TBC1D17: variants seen among roughly 807,000 people sequenced by gnomAD.
TBC1D17 encodes the protein TBC1 domain family, member 17.
In TBC1D17, 69 loss-of-function variants were observed where a neutral mutation model predicts 78.8. The ratio of observed to expected loss-of-function variants is 0.88; its 90% confidence interval spans 0.72 to 1.07. TBC1D17 has a LOEUF of 1.07. TBC1D17 is among the 50% of genes least tolerant of loss of function. The pLI, the probability that TBC1D17 is intolerant of heterozygous loss-of-function variation, is 0.00. For synonymous variants in TBC1D17, 456 were observed against 358.3 expected (o/e 1.27, Z -3.08); for missense variants, 957 against 861.0 (o/e 1.11, Z -1.39).
At chr19:49,882,017 T>C in intron 5 of TBC1D17, 24 bp from the exon 6 acceptor site, 4 of 1,593,380 alleles carry the variant, frequency 2.5e-6, no homozygotes, top group Non-Finnish European at 3.4e-6. Context: ...GTGCATCACC[T>C]GTGCGTCACC....
Position 49,878,135 on chromosome 19 carries a change from C to A in TBC1D17, c.22-8C>A. The A allele has an allele frequency of 6.4e-7, 1 of 1,570,996 alleles. No homozygotes were observed. Among genetic ancestry groups the A allele is most frequent in the Non-Finnish European group, 8.6e-7 (1 of 1,158,632 alleles). Reference sequence around the variant, plus strand: ...GGCCCCAGCCCTCGCTGGTTCCCCCCAACTCAGGTGGTGTTTGAGAAGGGC... The same window carrying A: ...GGCCCCAGCCCTCGCTGGTTCCCCCAAACTCAGGTGGTGTTTGAGAAGGGC... On this transcript the variant is annotated splice_region_variant and splice_polypyrimidine_tract_variant and intron_variant, in intron 1 of 16. Transcript: ENST00000221543.
In TBC1D17 at chr19:49,878,241, G is replaced by T. The variant is rs1264769797; in HGVS notation, c.120G>T (p.Lys40Asn). ...CTGGTGTCATCCGTGTCGTGGAAAA[G>T]GTGCGCTGGGAGGGAGCAGGGCTCG... ...LIAGVIRVVEKDNDVLLHWAP... is the reference protein window; with the variant it reads ...LIAGVIRVVENDNDVLLHWAP... The change falls in exon 2 of 17, where the codon AAG becomes AAT. Residue 40 changes from lysine (K) to asparagine (N), a missense_variant and splice_region_variant. Coordinates refer to ENST00000221543, the MANE Select transcript of TBC1D17 (RefSeq NM_024682.3). 4 of 1,556,762 alleles carry T rather than the reference G, an allele frequency of 2.6e-6. No homozygotes were observed. Among genetic ancestry groups the T allele is most frequent in the Admixed American group, 1.9e-5 (1 of 51,514 alleles).
In TBC1D17 at chr19:49,882,200, G is replaced by A. The variant is rs373998031; in HGVS notation, c.640-42G>A. ...CTGGCGGGTGTGGGCAGGGAGGGAC[G>A]AGAAGGGGCGGGCCGTGACCTCCCT... On this transcript the variant is annotated intron_variant, in intron 6 of 16. Coordinates refer to ENST00000221543, the MANE Select transcript of TBC1D17 (RefSeq NM_024682.3). 1.4e-5 allele frequency: 23 copies of A among 1,613,000 alleles called. No individual in the cohort carries two copies. In the Admixed American group the frequency reaches 1.5e-4, roughly 11 times the overall value.
intron 9 of TBC1D17, among the ~76,000 whole-genome samples, 163 bp from the exon 10 acceptor site, chr19:49,883,488 G>C (rs2075033633): frequency 6.6e-6 from 1 of 152,158 alleles, no homozygotes; most frequent in Non-Finnish European, 1.5e-5. Flanking sequence ...CCAGGAAGGT[G>C]AAGTGTAAGG....
Position 49,880,333 on chromosome 19 carries a change from G to A in TBC1D17, c.250G>A (p.Gly84Ser), listed in dbSNP as rs763076005. Residue 84 changes from glycine (G) to serine (S), a missense_variant, in exon 4 of 17, where the codon GGC (glycine) becomes AGC (serine). Gly to Ser is a moderately conservative substitution (Grantham distance 56). Transcript: ENST00000221543. ...TGAGGAGGAACCAACCTTTGACCCC[G>A]GCTATGAACCTGACTGGGCTGTCAT... ...ASEEEPTFDP[G>S]YEPDWAVIST... 11 of 1,613,940 alleles carry A rather than the reference G, an allele frequency of 6.8e-6. No homozygotes were observed. Among genetic ancestry groups the A allele is most frequent in the Admixed American group, 3.3e-5 (2 of 59,988 alleles).
intron 3 of TBC1D17, 47 bp downstream of exon 3, chr19:49,878,619 T>C: frequency 6.3e-7 from 1 of 1,578,332 alleles, no homozygotes. Flanking sequence ...TTTTTCTAGG[T>C]CCGTGCTGTT....
At chr19:49,885,698 A>G (rs995686141) in intron 13 of TBC1D17, among the ~76,000 whole-genome samples, 1 of 150,962 alleles carries the variant, frequency 6.6e-6, no homozygotes, top group East Asian at 2.0e-4. Flanking sequence ...GCGCAATGTC[A>G]TCCTGGGATC....
intron 3 of TBC1D17, chr19:49,878,916 C>T: frequency 3.4e-6 from 1 of 290,374 alleles, no homozygotes; most frequent in South Asian, 4.4e-5. Context: ...CAGGGCCTGA[C>T]AGCCTACTCA....
Position 49,882,818 on chromosome 19 carries a change from G to A in TBC1D17, c.853G>A (p.Glu285Lys). 1 of 1,610,080 alleles carries A rather than the reference G, an allele frequency of 6.2e-7. No individual in the cohort carries two copies. Among genetic ancestry groups the A allele is most frequent in the Non-Finnish European group, 8.5e-7 (1 of 1,178,540 alleles). The stretch of plus-strand genomic sequence containing the variant: ...GCGGGGCCCTCCAGTTACAGAGGAG[G>A]AGTGGGCACGCCACGTGGGCCCTGA... ...VERGPPVTEE[E>K]WARHVGPEGR... is the part of the protein sequence containing the mutation. The change falls in exon 8 of 17, where the codon GAG becomes AAG. Residue 285 changes from glutamate (E) to lysine (K), a missense_variant. By Grantham distance (56) the Glu-to-Lys change is moderately conservative. Transcript: ENST00000221543.
rs1413199595 is a variant in TBC1D17, at chr19:49,883,739, C to T, written c.1120C>T (p.Leu374Phe). Residue 374 changes from leucine to phenylalanine, a missense_variant, in exon 10 of 17, where the codon CTC (leucine) becomes TTC (phenylalanine). Physicochemically the swap from Leu to Phe is conservative, Grantham distance 22. Transcript: ENST00000221543. ...RNSLLHGYRS[L>F]IERDVSRTDR... ...CTCACTTCTGCATGGATACCGCAGC[C>T]TCATCGGTCAGTGTCAGGGGTGGCA... 6.2e-7 allele frequency: 1 copy of T among 1,613,384 alleles called. No homozygotes were observed. Among genetic ancestry groups the T allele is most frequent in the East Asian group, 2.2e-5 (1 of 44,896 alleles).
intron 3 of TBC1D17, chr19:49,878,922 A>C: frequency 7.5e-6 from 2 of 267,138 alleles, no homozygotes; most frequent in Non-Finnish European, 7.3e-6. Context: ...CTGACAGCCT[A>C]CTCACCCACT....
rs755838740 is a variant in TBC1D17, at chr19:49,887,528, GT to G, written c.1499del (p.Phe500SerfsTer59). On this transcript the variant is annotated frameshift_variant, in exon 14 of 17. Transcript: ENST00000221543. LOFTEE classifies it high-confidence loss of function. ...TCTGTTTCCGGTGGCTGCTCATCTG[GT>G]TCAAGAGGGAATTCCCCTTCCCGGA... Reference protein sequence around the residue: ...CFCFRWLLIWFKREFPFPDVL... With the variant: ...CFCFRWLLIWXKREFPFPDVL... 5.6e-6 allele frequency: 9 copies of G among 1,614,198 alleles called. No individual in the cohort carries two copies. In the African/African-American group the frequency reaches 6.7e-5, roughly 12 times the overall value.
intron 9 of TBC1D17, among the ~76,000 whole-genome samples, 176 bp downstream of exon 9, chr19:49,883,252 T>C (rs1299189293): frequency 6.6e-6 from 1 of 152,200 alleles, no homozygotes; most frequent in African/African-American, 2.4e-5. Context: ...ATGGTCTGTC[T>C]CCATTGCAGT....
intron 10 of TBC1D17, 108 bp from the exon 11 acceptor site, chr19:49,884,145 A>C (rs552428544): frequency 9.9e-7 from 1 of 1,011,758 alleles, no homozygotes; most frequent in East Asian, 2.4e-5. Context: ...GCAAACCCCG[A>C]GGCTGGGGGC....
chr19:49,884,633 C>CT, intron 12 of TBC1D17, 26 bp from the exon 13 acceptor site: 1 of 1,614,018 alleles, frequency 6.2e-7, no homozygotes, highest in Non-Finnish European at 8.5e-7. Context: ...GGGGTCTGCT[C>CT]TTTCCCCCCT....
intron 1 of TBC1D17, 67 bp from the exon 2 acceptor site, chr19:49,878,076 C>A: frequency 1.5e-6 from 2 of 1,330,070 alleles, no homozygotes; most frequent in Non-Finnish European, 2.1e-6. Context: ...CTGGGCCCGT[C>A]CCTATTGGCT....
rs781361013 is a variant in TBC1D17 at position 49,882,032 on chromosome 19, G to T, written c.528-9G>T. On this transcript the variant is annotated splice_polypyrimidine_tract_variant and intron_variant, in intron 5 of 16. Coordinates refer to ENST00000221543, the MANE Select transcript of TBC1D17 (RefSeq NM_024682.3). Reference sequence around the variant, plus strand: ...GTGCATCACCTGTGCGTCACCTCCCGCCTCCCAGCTCCCCGCAGGACTCCC... The same window carrying T: ...GTGCATCACCTGTGCGTCACCTCCCTCCTCCCAGCTCCCCGCAGGACTCCC... 1 of 1,611,484 alleles carries T rather than the reference G, an allele frequency of 6.2e-7. No homozygotes were observed. Among genetic ancestry groups the T allele is most frequent in the Admixed American group, 1.7e-5 (1 of 59,980 alleles).
intron 1 of TBC1D17, 32 bp downstream of exon 1, chr19:49,877,776 G>A (rs368492657): frequency 6.3e-7 from 1 of 1,576,912 alleles, no homozygotes; most frequent in Admixed American, 1.9e-5. Flanking sequence ...CCTCGCTTCA[G>A]TGTATGCGAA....
chr19:49,887,584 C>T lies in TBC1D17; in HGVS notation c.1542+11C>T. Reference sequence around the variant, plus strand: ...CTTCGGCTGTGGGAGGTGGGCCAGCCAGTTTGGGCGAGAGGCCTGAAGGGG... The same window carrying T: ...CTTCGGCTGTGGGAGGTGGGCCAGCTAGTTTGGGCGAGAGGCCTGAAGGGG... On this transcript the variant is annotated intron_variant, in intron 14 of 16. Coordinates refer to ENST00000221543, the MANE Select transcript of TBC1D17 (RefSeq NM_024682.3). 1 of 1,613,964 alleles carries T rather than the reference C, an allele frequency of 6.2e-7. No individual in the cohort carries two copies. The highest frequency in any genetic ancestry group is 1.3e-5 in the African/African-American group (1 of 75,076).
Sources: gnomAD v4.1 joint callset for allele counts (sites outside exome capture counted in the v4.1 genomes callset) on GRCh38, gnomAD v4.1.1 for gene constraint, MANE v1.5 for transcripts, NCBI Gene and HGNC (gene_info 2026-07-23, HGNC 2026-07-21) for gene names.